The following CHEK2 variants were observed in gnomAD, a reference collection of about 807,000 sequenced individuals.
CHEK2 encodes checkpoint kinase 2, also known as serine/threonine-protein kinase Chk2.
CHEK2 carries 71 observed loss-of-function variants against 69.1 expected under a neutral mutation model. The ratio of observed to expected loss-of-function variants is 1.03; its 90% CI spans 0.85 to 1.25. The LOEUF (loss-of-function observed/expected upper bound fraction) is 1.25. CHEK2 is among the 50% of genes most tolerant of loss of function. The pLI is 0.00. For synonymous variants in CHEK2, 189 were observed against 226.9 expected, an observed-to-expected ratio of 0.83 and a Z score of 1.50; for missense variants, 664 against 649.6, an observed-to-expected ratio of 1.02 and a Z score of -0.24.
chr22:28,732,494 G>A (rs1234518677), intron 2 of CHEK2, among the ~76,000 whole-genome samples: 2 of 151,982 alleles, frequency 1.3e-5, no homozygotes, highest in African/African-American at 4.8e-5. Context: ...TGATCCACCT[G>A]CCTTGGTCTC....
chr22:28,729,540 C>CAAAAAAAAAAAAAAAAAAAAAAAAA (rs58149342), intron 2 of CHEK2, among the ~76,000 whole-genome samples: 7 of 83,076 alleles, frequency 8.4e-5, no homozygotes, highest in East Asian at 3.5e-4. Context: ...GACTCCATCT[C>CAAAAAAAAAAAAAAAAAAAAAAAAA]AAAAAAAAAA....
chr22:28,700,742 G>A (rs764040488), intron 8 of CHEK2, among the ~76,000 whole-genome samples: 83 of 152,128 alleles, frequency 5.5e-4, no homozygotes, highest in Non-Finnish European at 1.0e-3. Flanking sequence ...AGAGATGGCT[G>A]ATGTAGGAAA....
chr22:28,692,442 G>C (rs529082873), intron 13 of CHEK2, among the ~76,000 whole-genome samples: 1 of 151,760 alleles, frequency 6.6e-6, no homozygotes, highest in Non-Finnish European at 1.5e-5. Context: ...GTAGTTTCCA[G>C]GGCAACATCC....
intron 4 of CHEK2, among the ~76,000 whole-genome samples, chr22:28,722,539 C>CAAAAAAAAA (rs755107963): frequency 9.7e-4 from 66 of 67,890 alleles, no homozygotes; most frequent in Middle Eastern, 7.6e-3. Flanking sequence ...GACTCCGTCT[C>CAAAAAAAAA]AAAAAAAAAA....
intron 4 of CHEK2, among the ~76,000 whole-genome samples, chr22:28,723,349 A>G (rs2053865616): frequency 6.6e-6 from 1 of 152,222 alleles, no homozygotes; most frequent in Admixed American, 6.5e-5. Context: ...CTGTAATCCC[A>G]GCACTTTGGG....
At chr22:28,729,803 T>C (rs1404011739) in intron 2 of CHEK2, among the ~76,000 whole-genome samples, 1 of 152,150 alleles carries the variant, frequency 6.6e-6, no homozygotes, top group African/African-American at 2.4e-5. Context: ...AGTCTTGCTC[T>C]GTGGCCTGCA....
chr22:28,728,073 C>T (rs574711317), intron 2 of CHEK2: 1 of 152,216 alleles, frequency 6.6e-6, no homozygotes, highest in Non-Finnish European at 1.5e-5. Context: ...CGAGGCTGCA[C>T]TAAGCTGTGG....
intron 2 of CHEK2, among the ~76,000 whole-genome samples, chr22:28,730,254 G>GAA: frequency 2.3e-5 from 3 of 130,008 alleles, no homozygotes; most frequent in Non-Finnish European, 5.0e-5. Context: ...GAGAGGAGAG[G>GAA]AGGGGAGGGG....
At chr22:28,730,085 C>T (rs893582390) in intron 2 of CHEK2, among the ~76,000 whole-genome samples, 21 of 150,340 alleles carry the variant, frequency 1.4e-4, no homozygotes, top group African/African-American at 3.7e-4. Flanking sequence ...CCTTGTGATC[C>T]GCCCACCTCA....
rs182507773 is a variant in CHEK2 at position 28,723,522 on chromosome 22, C to T, written c.592+1455G>A. Among the ~76,000 whole-genome samples, 26 of 140,884 alleles carry T rather than the reference C, an allele frequency of 1.8e-4. 1 individual carries two copies. Among genetic ancestry groups the T allele is most frequent in the African/African-American group, 6.3e-4 (24 of 37,888 alleles). 92.4% of individuals were successfully genotyped at this position (140,884 alleles called of 152,430 possible). On this transcript the variant is annotated intron_variant, in intron 4 of 14. Transcript: ENST00000404276. ...CTGAGGCAGGAGAATGGCGTGAACC[C>T]GGGAGGCGGAGCTTGCAGTGAGCCG...
chr22:28,711,736 G>A (rs1569139685), intron 6 of CHEK2, among the ~76,000 whole-genome samples, 173 bp downstream of exon 6: 1 of 151,792 alleles, frequency 6.6e-6, no homozygotes, highest in Non-Finnish European at 1.5e-5. Flanking sequence ...ATAAGTAAAA[G>A]TTTCTAGATT....
chr22:28,729,219 C>T (rs187851728), intron 2 of CHEK2: 9 of 232,540 alleles, frequency 3.9e-5, no homozygotes, highest in Non-Finnish European at 8.0e-5. Flanking sequence ...TCCAGCAACA[C>T]ATAAAAAAGA....
intron 5 of CHEK2, among the ~76,000 whole-genome samples, chr22:28,717,562 A>G (rs1449944341): frequency 6.6e-6 from 1 of 151,424 alleles, no homozygotes; most frequent in East Asian, 2.0e-4. Flanking sequence ...AGCAAGACTC[A>G]TCTCTACAGT....
chr22:28,740,159 C>T (rs1265073340), intron 1 of CHEK2, among the ~76,000 whole-genome samples: 1 of 152,220 alleles, frequency 6.6e-6, no homozygotes, highest in Non-Finnish European at 1.5e-5. Flanking sequence ...CGAGATCGCA[C>T]CACTGCACTC....
rs1555932749 is a variant in CHEK2 at position 28,734,634 on chromosome 22, C to G, written c.88G>C (p.Gly30Arg). Residue 30 changes from glycine (G) to arginine (R), a missense_variant, in exon 2 of 15, where the codon GGC (glycine) becomes CGC (arginine). Coordinates refer to ENST00000404276, the MANE Select transcript of CHEK2 (RefSeq NM_007194.4). ...QPHGSVTQSQ[G>R]SSSQSQGISS... ...ATGCCCTGGGACTGTGAGGAGGAGC[C>G]TTGGGACTGGGTAACGCTGCCATGG... is the stretch of plus-strand genomic sequence containing the variant. The G allele has an allele frequency of 6.2e-7, 1 of 1,613,832 alleles. No homozygotes were observed. The highest frequency in any genetic ancestry group is 8.5e-7 in the Non-Finnish European group (1 of 1,179,998).
intron 4 of CHEK2, 47 bp downstream of exon 4, chr22:28,724,930 G>A (rs1434353265): frequency 1.3e-6 from 2 of 1,597,912 alleles, no homozygotes; most frequent in South Asian, 1.1e-5. Context: ...CCTCCTATGA[G>A]AGAGTGGAAA....
In CHEK2 at chr22:28,741,756, C is replaced by G. The variant is rs1343683870; in HGVS notation, c.-7+13G>C. 1 of 410,162 alleles carries G rather than the reference C, an allele frequency of 2.4e-6. No homozygotes were observed. The highest frequency in any genetic ancestry group is 4.5e-6 in the Non-Finnish European group (1 of 221,046). 25.4% of individuals were successfully genotyped at this position (410,162 alleles called of 1,614,324 possible). A position where few individuals can be genotyped will look rare whatever the true frequency, so the allele number is the denominator to read the frequency against. On this transcript the variant is annotated intron_variant, in intron 1 of 14. Coordinates refer to ENST00000404276, the MANE Select transcript of CHEK2 (RefSeq NM_007194.4). The stretch of plus-strand genomic sequence containing the variant: ...CCACCAAACACCCAACAGAAGTTCC[C>G]CATATGACTCACCGCGTGAGCCCAC...
intron 9 of CHEK2, 58 bp from the exon 10 acceptor site, chr22:28,697,045 C>CA: frequency 9.6e-7 from 1 of 1,042,504 alleles, no homozygotes; most frequent in Non-Finnish European, 1.5e-6. Flanking sequence ...TAAGTAGAAT[C>CA]AAAGTTACCA....
chr22:28,707,660 T>G (rs2145912421), intron 7 of CHEK2, among the ~76,000 whole-genome samples: 1 of 152,278 alleles, frequency 6.6e-6, no homozygotes, highest in South Asian at 2.1e-4. Context: ...TGGGCCCATG[T>G]TTAATTCCCA....
Sources: allele counts gnomAD v4.1 joint callset (sites outside exome capture counted in the v4.1 genomes callset), GRCh38; gene constraint gnomAD v4.1.1; transcripts MANE v1.5; gene names NCBI Gene and HGNC (gene_info 2026-07-23, HGNC 2026-07-21).